The following CEP72 variants were observed in gnomAD, a reference collection of about 807,000 sequenced individuals.
CEP72 encodes the protein centrosomal protein 72, also known as centrosomal protein of 72 kDa.
Under a neutral mutation model 65.7 loss-of-function variants are expected in CEP72, and 78 were observed. The observed-to-expected ratio is 1.19, with a 90% confidence interval of 0.99 to 1.43. CEP72 has a LOEUF of 1.43. Among genes scored for constraint, CEP72 ranks in the 40% most tolerant of loss-of-function variants. CEP72 has a pLI of 0.00. For missense variants in CEP72, 914 were observed against 832.9 expected (o/e 1.10, Z -1.20); for synonymous variants, 358 against 351.7 (o/e 1.02, Z -0.20).
chr5:635,232 A>G, intron 5 of CEP72, 140 bp from the exon 6 acceptor site: 1 of 654,240 alleles, frequency 1.5e-6, no homozygotes, highest in Non-Finnish European at 2.6e-6. Flanking sequence ...CTGTGGATTC[A>G]TTTCAGTGTC....
chr5:653,203 T>C lies in CEP72; in HGVS notation c.*50T>C. On this transcript the variant is annotated 3_prime_UTR_variant, in exon 12 of 12. Coordinates refer to ENST00000264935, the MANE Select transcript of CEP72 (RefSeq NM_018140.4). ...CCTTAAGCTTCCTGGTAAAGTTACA[T>C]TGTCTGCACCTTTGTACTTCTTTAT... 6.6e-7 allele frequency: 1 copy of C among 1,512,032 alleles called. No homozygotes were observed. The highest frequency in any genetic ancestry group is 8.8e-7 in the Non-Finnish European group (1 of 1,130,240). 93.7% of individuals were successfully genotyped at this position (1,512,032 alleles called of 1,614,324 possible). A position where few individuals can be genotyped will look rare whatever the true frequency, so the allele number is the denominator to read the frequency against.
intron 4 of CEP72, among the ~76,000 whole-genome samples, chr5:632,109 TA>T (rs1322926426): frequency 3.3e-5 from 2 of 60,000 alleles, no homozygotes; most frequent in Admixed American, 1.7e-4. Context: ...TGCCGGGATT[TA>T]GACCAGTCCT....
At chr5:615,281 G>A (rs531243953) in intron 1 of CEP72, among the ~76,000 whole-genome samples, 26 of 151,952 alleles carry the variant, frequency 1.7e-4, no homozygotes, top group South Asian at 1.7e-3. Flanking sequence ...GATTACAGGC[G>A]CCTGCCATCA....
chr5:612,620 G>T, intron 1 of CEP72, 177 bp downstream of exon 1: 4 of 985,340 alleles, frequency 4.1e-6, no homozygotes, highest in Non-Finnish European at 4.8e-6. Flanking sequence ...CCCACCCCCC[G>T]TGCCCAGGTG....
the CEP72 span, among the ~76,000 whole-genome samples, chr5:674,870 C>T: frequency 6.6e-6 from 1 of 150,660 alleles, no homozygotes; most frequent in Admixed American, 6.6e-5. Context: ...CCTGTGGGAG[C>T]TGCCCCTTGC....
chr5:640,647 G>A (rs1476588750), intron 9 of CEP72, 43 bp downstream of exon 9: 1 of 1,562,224 alleles, frequency 6.4e-7, no homozygotes, highest in East Asian at 2.3e-5. Context: ...TGTGACTGGG[G>A]GAAACATGGC....
At chr5:640,991 C>G in intron 9 of CEP72, 2 of 985,446 alleles carry the variant, frequency 2.0e-6, no homozygotes, top group South Asian at 9.4e-5. Context: ...GGCCAGTGTC[C>G]CATGGTGAGC....
the CEP72 span, among the ~76,000 whole-genome samples, chr5:672,523 C>A: frequency 5.3e-5 from 8 of 152,270 alleles, no homozygotes; most frequent in African/African-American, 1.9e-4. Flanking sequence ...TGGGTGCCCC[C>A]ACCTGAGCTA....
intron 4 of CEP72, among the ~76,000 whole-genome samples, chr5:627,076 A>G (rs906948985): frequency 2.0e-5 from 3 of 152,218 alleles, no homozygotes; most frequent in Non-Finnish European, 2.9e-5. Flanking sequence ...TCTGGCAGAT[A>G]CTGTAGAGAT....
chr5:639,382 G>A (rs1737849548), intron 8 of CEP72, among the ~76,000 whole-genome samples, 158 bp downstream of exon 8: 1 of 152,244 alleles, frequency 6.6e-6, no homozygotes, highest in Non-Finnish European at 1.5e-5. Context: ...CTCCCTGGCA[G>A]TCTTTGCATC....
At chr5:669,301 T>C (rs979289699), downstream of CEP72, among the ~76,000 whole-genome samples, 10 of 151,960 alleles carry the variant, frequency 6.6e-5, no homozygotes, top group Non-Finnish European at 8.8e-5. Flanking sequence ...GGAGGTGCCC[T>C]GGGCAGCTCT....
the CEP72 span, among the ~76,000 whole-genome samples, chr5:675,589 T>G: frequency 1.5e-5 from 2 of 132,664 alleles, no homozygotes; most frequent in African/African-American, 5.7e-5. Context: ...TGGCCAGGGG[T>G]GCAGCATGGG....
intron 11 of CEP72, among the ~76,000 whole-genome samples, chr5:651,210 T>C (rs1421139316): frequency 1.4e-5 from 1 of 73,842 alleles, no homozygotes; most frequent in Non-Finnish European, 2.7e-5. Context: ...GAGGTGTGAC[T>C]GTGAGGCGTG....
chr5:674,627 C>T, the CEP72 span, among the ~76,000 whole-genome samples: 1 of 152,104 alleles, frequency 6.6e-6, no homozygotes, highest in Non-Finnish European at 1.5e-5. Context: ...GCTGGTGACC[C>T]ACCAGAGCGG....
At chr5:643,380 G>A (rs886924984) in intron 9 of CEP72, 14 of 985,342 alleles carry the variant, frequency 1.4e-5, no homozygotes, top group Non-Finnish European at 1.7e-5. Flanking sequence ...ACCTTGGGGA[G>A]AAGTCCGCGA....
Position 612,379 on chromosome 5 carries a change from T to C in CEP72, c.18T>C (p.Pro6=), listed in dbSNP as rs1321929144. The change falls in exon 1 of 12, where the codon CCT becomes CCC. Residue 6 remains proline (P), a synonymous_variant. Transcript: ENST00000264935. MARAG[P]RLVLSEEAVR... The stretch of plus-strand genomic sequence containing the variant: ...TTTGAAACATGGCGCGGGCTGGCCC[T>C]CGGCTGGTGCTGAGCGAGGAGGCGG... The C allele has an allele frequency of 6.7e-7, 1 of 1,491,124 alleles. No individual in the cohort carries two copies. Among genetic ancestry groups the C allele is most frequent in the Non-Finnish European group, 8.9e-7 (1 of 1,125,588 alleles). 92.4% of individuals were successfully genotyped at this position (1,491,124 alleles called of 1,614,324 possible). A position where few individuals can be genotyped will look rare whatever the true frequency, so the allele number is the denominator to read the frequency against.
At chr5:632,152 C>T (rs1737238105) in intron 4 of CEP72, among the ~76,000 whole-genome samples, 1 of 70,420 alleles carries the variant, frequency 1.4e-5, no homozygotes, top group Non-Finnish European at 3.0e-5. Flanking sequence ...GGGATTTGGC[C>T]CAGTCCTGGT....
At chr5:629,455 G>T (rs1227352494) in intron 4 of CEP72, among the ~76,000 whole-genome samples, 3 of 144,046 alleles carry the variant, frequency 2.1e-5, no homozygotes, top group Admixed American at 6.9e-5. Context: ...CCAGTGCCGG[G>T]ATTTGACCCA....
intron 4 of CEP72, among the ~76,000 whole-genome samples, chr5:626,083 C>T (rs1396232687): frequency 2.0e-5 from 3 of 152,166 alleles, no homozygotes; most frequent in African/African-American, 4.8e-5. Flanking sequence ...CTCCTGACAC[C>T]TGGAATCCTG....
Sources: gnomAD v4.1 joint callset for allele counts (sites outside exome capture counted in the v4.1 genomes callset) on GRCh38, gnomAD v4.1.1 for gene constraint, MANE v1.5 for transcripts, NCBI Gene and HGNC (gene_info 2026-07-23, HGNC 2026-07-21) for gene names.